Variants in DNAH17 observed in about 807,000 individuals in gnomAD.
DNAH17 encodes dynein axonemal heavy chain 17.
A neutral mutation model predicts 485.6 loss-of-function variants in DNAH17; 376 were observed. The ratio of observed to expected loss-of-function variants is 0.77; its 90% CI spans 0.71 to 0.84. The LOEUF is 0.84. Ranked by LOEUF, DNAH17 falls within the 40% of genes least tolerant of loss-of-function variation. The pLI is 0.00. For missense variants in DNAH17, 6,370 were observed against 5,839.3 expected (o/e 1.09, Z -2.96); for synonymous variants, 3,031 against 2,405.9 (o/e 1.26, Z -7.60).
intron 51 of DNAH17, among the ~76,000 whole-genome samples, chr17:78,477,195 A>G (rs2089070540): frequency 6.6e-6 from 1 of 152,156 alleles, no homozygotes; most frequent in Admixed American, 6.5e-5. Context: ...CGATGATGCA[A>G]CAGAACCTGA....
At chr17:78,425,755 G>GTTTTTTTTTTT (rs1568032936) in intron 79 of DNAH17, among the ~76,000 whole-genome samples, 184 bp from the exon 80 acceptor site, 1 of 88,312 alleles carries the variant, frequency 1.1e-5, no homozygotes, top group African/African-American at 5.3e-5. Context: ...TTTGGTGTCT[G>GTTTTTTTTTTT]CTTTTTTTTT....
chr17:78,526,817 G>C, intron 23 of DNAH17, 63 bp downstream of exon 23: 1 of 1,557,638 alleles, frequency 6.4e-7, no homozygotes, highest in Non-Finnish European at 8.7e-7. Flanking sequence ...GTATGCCGCA[G>C]GGCCCTGGGT....
Position 78,459,840 on chromosome 17 carries a change from G to C in DNAH17, c.9597C>G (p.Asp3199Glu), listed in dbSNP as rs1417892236. Residue 3199 changes from aspartate to glutamate, a missense_variant, in exon 60 of 81, where the codon GAC (aspartate) becomes GAG (glutamate). Coordinates refer to ENST00000389840, the MANE Select transcript of DNAH17 (RefSeq NM_173628.4). The part of the protein sequence containing the change: ...IMMGKVDTFL[D>E]SLKKFDKEHI... ...GCTCCTTGTCGAACTTCTTCAGGGAGTCTAGGAAGGTGTCCACCTTGCCCA... is the reference window on the plus strand; with the variant it reads ...GCTCCTTGTCGAACTTCTTCAGGGACTCTAGGAAGGTGTCCACCTTGCCCA... 2 of 1,613,936 alleles carry C rather than the reference G, an allele frequency of 1.2e-6. No homozygotes were observed. Among genetic ancestry groups the C allele is most frequent in the South Asian group, 1.1e-5 (1 of 91,092 alleles).
At chr17:78,428,997 C>T in intron 76 of DNAH17, 124 bp downstream of exon 76, 1 of 993,492 alleles carries the variant, frequency 1.0e-6, no homozygotes, top group Non-Finnish European at 1.5e-6. Flanking sequence ...CATTTCTCAT[C>T]CTCTCTTATT....
At chr17:78,510,307 G>C (rs2090598533) in intron 27 of DNAH17, 77 bp downstream of exon 27, 1 of 1,583,798 alleles carries the variant, frequency 6.3e-7, no homozygotes, top group Admixed American at 1.7e-5. Flanking sequence ...GGACCCCTCT[G>C]GGCGCTCTCA....
intron 54 of DNAH17, among the ~76,000 whole-genome samples, chr17:78,470,994 T>C (rs1175632942): frequency 2.0e-5 from 3 of 152,222 alleles, no homozygotes. Flanking sequence ...GCCATTTCCA[T>C]GTATATATAT....
Position 78,560,474 on chromosome 17 carries a change from C to A in DNAH17, c.2031+266G>T, listed in dbSNP as rs534812515. Among the ~76,000 whole-genome samples, 15 of 150,886 alleles carry A rather than the reference C, an allele frequency of 9.9e-5. 1 individual carries two copies. The East Asian group carries it at 1.2e-3, about 12-fold the overall frequency. ...TGCATTTATCTAGATTCGGCAAAGA[C>A]TTTTTCCCCCCCCCCAGTTTCAAAT... On this transcript the variant is annotated intron_variant, in intron 13 of 80. Coordinates refer to ENST00000389840, the MANE Select transcript of DNAH17 (RefSeq NM_173628.4).
At chr17:78,531,022 G>A (rs1366595075) in intron 20 of DNAH17, among the ~76,000 whole-genome samples, 2 of 152,218 alleles carry the variant, frequency 1.3e-5, no homozygotes, top group Non-Finnish European at 2.9e-5. Context: ...TCTTTCTGCA[G>A]CTGTTGGGTA....
chr17:78,485,461 T>C, intron 47 of DNAH17, 89 bp downstream of exon 47: 1 of 1,279,042 alleles, frequency 7.8e-7, no homozygotes, highest in African/African-American at 1.5e-5. Flanking sequence ...GGCTAGTGAG[T>C]GCCTGGGCCT....
rs200938227 is a variant in DNAH17, at chr17:78,478,082, T to C, written c.7992+943A>G. On this transcript the variant is annotated intron_variant, in intron 51 of 80. Transcript: ENST00000389840. ...ATCTCCACCATCACCACCACCATCATCACCATCACCACCACCATCATCATC... is the reference window on the plus strand; with the variant it reads ...ATCTCCACCATCACCACCACCATCACCACCATCACCACCACCATCATCATC... Among the ~76,000 whole-genome samples the C allele has an allele frequency of 2.7e-3, 139 of 51,912 alleles. 1 individual carries two copies. Among genetic ancestry groups the C allele is most frequent in the Middle Eastern group, 0.021 (2 of 94 alleles). 34.1% of individuals were successfully genotyped at this position (51,912 alleles called of 152,430 possible).
At chr17:78,449,245 C>T (rs987118031) in intron 69 of DNAH17, among the ~76,000 whole-genome samples, 169 bp downstream of exon 69, 7 of 152,162 alleles carry the variant, frequency 4.6e-5, no homozygotes, top group Non-Finnish European at 1.0e-4. Context: ...GCCTGTTCCA[C>T]GTCAGGCATC....
chr17:78,485,839 G>A (rs925305624), intron 46 of DNAH17, 82 bp from the exon 47 acceptor site: 30 of 1,575,176 alleles, frequency 1.9e-5, no homozygotes, highest in South Asian at 4.7e-5. Flanking sequence ...ATGTTCTACC[G>A]AACAGGTCCT....
chr17:78,461,646 G>C lies in DNAH17; in HGVS notation c.9237C>G (p.Ser3079Arg). The C allele has an allele frequency of 6.2e-7, 1 of 1,611,758 alleles. No homozygotes were observed. Among genetic ancestry groups the C allele is most frequent in the East Asian group, 2.2e-5 (1 of 44,716 alleles). ...QEAELKQKNE[S>R]ADQLIQVVGI... Reference sequence around the variant, plus strand: ...CGACCACCTGGATCAGTTGGTCTGCGCTCTCATTCTTCTGCTTGAGCTCAG... The same window carrying C: ...CGACCACCTGGATCAGTTGGTCTGCCCTCTCATTCTTCTGCTTGAGCTCAG... Residue 3079 changes from serine to arginine, a missense_variant, in exon 58 of 81, where the codon AGC (serine) becomes AGG (arginine). Coordinates refer to ENST00000389840, the MANE Select transcript of DNAH17 (RefSeq NM_173628.4).
chr17:78,484,975 A>G lies in DNAH17; in HGVS notation c.7542T>C (p.Thr2514=). 1 of 1,613,436 alleles carries G rather than the reference A, an allele frequency of 6.2e-7. No individual in the cohort carries two copies. Among genetic ancestry groups the G allele is most frequent in the Non-Finnish European group, 8.5e-7 (1 of 1,179,680 alleles). Residue 2514 remains threonine, a synonymous_variant, in exon 48 of 81, where the codon ACT becomes ACC. Coordinates refer to ENST00000389840, the MANE Select transcript of DNAH17 (RefSeq NM_173628.4). The part of the protein sequence containing the change: ...KSGRNYGPPG[T]KKLVYFIDDM... Reference sequence around the variant, plus strand: ...CGTCGATGAAGTAGACGAGCTTCTTAGTGCCTGGCGGCCCGTAGTTCCTCC... The same window carrying G: ...CGTCGATGAAGTAGACGAGCTTCTTGGTGCCTGGCGGCCCGTAGTTCCTCC...
At chr17:78,488,256 G>T (rs953941081) in intron 44 of DNAH17, among the ~76,000 whole-genome samples, 1 of 152,184 alleles carries the variant, frequency 6.6e-6, no homozygotes. Flanking sequence ...ACGGCTTCTT[G>T]CCCTGTCCCC....
intron 17 of DNAH17, among the ~76,000 whole-genome samples, chr17:78,541,541 A>T (rs547370791): frequency 6.6e-6 from 1 of 152,120 alleles, no homozygotes; most frequent in East Asian, 1.9e-4. Flanking sequence ...TAACTTCAGC[A>T]TAAGATAAAA....
intron 16 of DNAH17, among the ~76,000 whole-genome samples, chr17:78,548,201 C>CCTTTT (rs1381698510): frequency 1.8e-5 from 1 of 54,188 alleles, no homozygotes; most frequent in Non-Finnish European, 3.8e-5. Context: ...GATGTCATGG[C>CCTTTT]CTTTTTTTTT....
chr17:78,444,534 A>G (rs2087199313), intron 71 of DNAH17, 70 bp downstream of exon 71: 1 of 1,439,240 alleles, frequency 6.9e-7, no homozygotes, highest in South Asian at 1.4e-5. Context: ...AGTCTAGCAC[A>G]GCCGCTCGGT....
intron 16 of DNAH17, among the ~76,000 whole-genome samples, chr17:78,544,525 G>A (rs970301859): frequency 1.3e-4 from 19 of 151,636 alleles, no homozygotes; most frequent in African/African-American, 2.4e-4. Flanking sequence ...CCACTTGGCC[G>A]GGCGCGGTGG....
Sources: gnomAD v4.1 joint callset for allele counts (sites outside exome capture counted in the v4.1 genomes callset) on GRCh38, gnomAD v4.1.1 for gene constraint, MANE v1.5 for transcripts, NCBI Gene and HGNC (gene_info 2026-07-23, HGNC 2026-07-21) for gene names.